The following FIP1L1 variants were observed in gnomAD, a reference collection of about 807,000 sequenced individuals.
The protein encoded by FIP1L1 is pre-mRNA 3'-end-processing factor FIP1.
FIP1L1 carries 21 observed loss-of-function variants against 84.6 expected under a neutral mutation model. The ratio of observed to expected loss-of-function variants is 0.25; its 90% CI spans 0.18 to 0.36. The LOEUF is 0.36. Among genes scored for constraint, FIP1L1 ranks in the 10% least tolerant of loss-of-function variants. FIP1L1 has a pLI of 1.00. For synonymous variants in FIP1L1, 263 were observed against 242.3 expected, an observed-to-expected ratio of 1.09 and a Z score of -0.80; for missense variants, 526 against 751.1, an observed-to-expected ratio of 0.70 and a Z score of 3.50.
At position 53,382,282 on chromosome 4, in the gene FIP1L1, A is replaced by T. The variant is rs1738519523; in HGVS notation, c.175A>T (p.Asn59Tyr). Reference protein sequence around the residue: ...ERPEEENASANPPSGIEDETA... With the variant: ...ERPEEENASAYPPSGIEDETA... ...ACTTACTTTTGTTGTTTGTAGTGCT[A>T]ATCCTCCATCTGGAATTGAAGATGA... The change falls in exon 4 of 18, where the codon AAT becomes TAT. Residue 59 changes from asparagine to tyrosine, a missense_variant. By Grantham distance (143) the Asn-to-Tyr change is moderately radical. Coordinates refer to ENST00000337488, the MANE Select transcript of FIP1L1 (RefSeq NM_030917.4). 6.2e-7 allele frequency: 1 copy of T among 1,612,588 alleles called. No individual in the cohort carries two copies. The highest frequency in any genetic ancestry group is 1.1e-5 in the South Asian group (1 of 91,046).
At position 53,428,050 on chromosome 4, in the gene FIP1L1, T is replaced by G; in HGVS notation, c.1041T>G (p.Thr347=). ...NIQVLSERSA[T]EVDNNFSKPP... ...AGGTCCTTTCTGAAAGATCTGCTAC[T>G]GAAGTAGACAACAATTTTAGCAAAC... The change falls in exon 13 of 18, where the codon ACT becomes ACG. Residue 347 remains threonine, a synonymous_variant. Transcript: ENST00000337488. 1.9e-6 allele frequency: 3 copies of G among 1,608,736 alleles called. No individual in the cohort carries two copies. Among genetic ancestry groups the G allele is most frequent in the Admixed American group, 1.7e-5 (1 of 59,954 alleles).
chr4:53,391,532 A>G lies in FIP1L1; in HGVS notation c.705+34A>G, dbSNP rs1292173642. The G allele has an allele frequency of 3.3e-6, 5 of 1,534,312 alleles. No homozygotes were observed. The East Asian group carries it at 1.1e-4, about 35-fold the overall frequency. On this transcript the variant is annotated intron_variant, in intron 9 of 17. Transcript: ENST00000337488. ...TAGTAAATTATCCTTGGTTGCTCTC[A>G]TTTTTTGTTCTTGAGTCTGCTCCCA...
At chr4:53,398,259 C>T (rs1456688273) in intron 9 of FIP1L1, among the ~76,000 whole-genome samples, 2 of 152,120 alleles carry the variant, frequency 1.3e-5, no homozygotes, top group East Asian at 3.9e-4. Flanking sequence ...GTTCCCATTG[C>T]CTTAGTGCCG....
At chr4:53,422,368 T>A (rs1292543729) in intron 11 of FIP1L1, among the ~76,000 whole-genome samples, 3 of 152,118 alleles carry the variant, frequency 2.0e-5, no homozygotes, top group Admixed American at 6.5e-5. Flanking sequence ...AAAGTGTACT[T>A]CTTACTGTGT....
At chr4:53,441,307 C>T (rs1771827968) in intron 13 of FIP1L1, among the ~76,000 whole-genome samples, 1 of 151,788 alleles carries the variant, frequency 6.6e-6, no homozygotes, top group African/African-American at 2.4e-5. Flanking sequence ...AAGGGTGGGT[C>T]TAAATTCAAA....
Position 53,377,654 on chromosome 4 carries a change from C to G in FIP1L1, c.-185C>G. 1 of 499,388 alleles carries G rather than the reference C, an allele frequency of 2.0e-6. No homozygotes were observed. The highest frequency in any genetic ancestry group is 3.4e-6 in the Non-Finnish European group (1 of 293,394). 30.9% of individuals were successfully genotyped at this position (499,388 alleles called of 1,614,324 possible). Reference sequence around the variant, plus strand: ...CTTGGGTCTCCTGCGCATGCGCAGACGGACCTGCGCTGGAGGCTTCATCTT... The same window carrying G: ...CTTGGGTCTCCTGCGCATGCGCAGAGGGACCTGCGCTGGAGGCTTCATCTT... On this transcript the variant is annotated 5_prime_UTR_variant, in exon 1 of 18. Transcript: ENST00000337488.
intron 13 of FIP1L1, among the ~76,000 whole-genome samples, chr4:53,439,702 CT>C (rs1228227268): frequency 5.3e-5 from 8 of 151,748 alleles, no homozygotes; most frequent in Admixed American, 4.6e-4. Flanking sequence ...AATTGTCTTA[CT>C]TTTTTTTATT....
intron 10 of FIP1L1, among the ~76,000 whole-genome samples, chr4:53,410,377 C>G (rs184903546): frequency 6.6e-6 from 1 of 152,174 alleles, no homozygotes; most frequent in African/African-American, 2.4e-5. Context: ...GGATCAACTT[C>G]GATGATTGCT....
At chr4:53,416,472 TC>T (rs1759551210) in intron 11 of FIP1L1, among the ~76,000 whole-genome samples, 1 of 152,222 alleles carries the variant, frequency 6.6e-6, no homozygotes, top group African/African-American at 2.4e-5. Flanking sequence ...TCGGAAAGCC[TC>T]TTCAAACCTG....
chr4:53,424,906 A>G (rs1162436393), intron 11 of FIP1L1, among the ~76,000 whole-genome samples: 1 of 151,950 alleles, frequency 6.6e-6, no homozygotes. Context: ...GTATACAGTA[A>G]TTTTTCAGTT....
chr4:53,406,067 G>C (rs980308732), intron 10 of FIP1L1, among the ~76,000 whole-genome samples: 1 of 151,978 alleles, frequency 6.6e-6, no homozygotes, highest in Non-Finnish European at 1.5e-5. Flanking sequence ...TGGTGAGAGA[G>C]GGCATCCCTG....
intron 11 of FIP1L1, among the ~76,000 whole-genome samples, chr4:53,424,392 CAT>C (rs766353111): frequency 6.6e-5 from 10 of 151,984 alleles, no homozygotes; most frequent in Non-Finnish European, 7.4e-5. Flanking sequence ...ATTTTTGTAA[CAT>C]GTGAATATTA....
chr4:53,454,625 C>G (rs987100000), intron 16 of FIP1L1, among the ~76,000 whole-genome samples: 24 of 152,088 alleles, frequency 1.6e-4, no homozygotes, highest in African/African-American at 5.3e-4. Context: ...CTTTGGTGTT[C>G]CATTGATAGA....
intron 11 of FIP1L1, among the ~76,000 whole-genome samples, 154 bp downstream of exon 11, chr4:53,414,876 T>C (rs1758766458): frequency 6.6e-6 from 1 of 152,202 alleles, no homozygotes; most frequent in African/African-American, 2.4e-5. Context: ...TTAGTTACCT[T>C]ATAAATCAAA....
intron 12 of FIP1L1, 129 bp from the exon 13 acceptor site, chr4:53,427,898 C>T (rs1764992476): frequency 1.3e-6 from 1 of 750,240 alleles, no homozygotes; most frequent in Non-Finnish European, 2.1e-6. Context: ...TTACTCTCCC[C>T]CCAAAAATAC....
intron 10 of FIP1L1, among the ~76,000 whole-genome samples, chr4:53,406,828 T>C (rs1164334837): frequency 6.6e-6 from 1 of 152,214 alleles, no homozygotes; most frequent in African/African-American, 2.4e-5. Context: ...TCATGGTAAT[T>C]TGTATTTCTG....
intron 10 of FIP1L1, among the ~76,000 whole-genome samples, chr4:53,407,728 G>C (rs1754492514): frequency 6.6e-6 from 1 of 152,160 alleles, no homozygotes; most frequent in Non-Finnish European, 1.5e-5. Flanking sequence ...TTGTTGAATT[G>C]ATCCCTTTAG....
chr4:53,382,139 C>G lies in FIP1L1; in HGVS notation c.171-139C>G, dbSNP rs930132530. The G allele has an allele frequency of 5.1e-6, 3 of 586,744 alleles. No individual in the cohort carries two copies. The African/African-American group carries it at 5.7e-5, about 11-fold the overall frequency. The allele number at this position is 586,744 out of a possible 1,614,324, so 36.3% of individuals were successfully genotyped here. A position where few individuals can be genotyped will look rare whatever the true frequency, so the allele number is the denominator to read the frequency against. The stretch of plus-strand genomic sequence containing the variant: ...AGTTACTAGAAATAACGGAATAAGA[C>G]AGTCAGATTTTACCATTACTGTCTC... On this transcript the variant is annotated intron_variant, in intron 3 of 17. Coordinates refer to ENST00000337488, the MANE Select transcript of FIP1L1 (RefSeq NM_030917.4).
rs1738530313 is a variant in FIP1L1 at position 53,382,322 on chromosome 4, G to A, written c.215G>A (p.Gly72Asp). Residue 72 changes from glycine (G) to aspartate (D), a missense_variant, in exon 4 of 18, where the codon GGT (glycine) becomes GAT (aspartate). Transcript: ENST00000337488. The part of the protein sequence containing the change: ...SGIEDETAEN[G>D]VPKPKVTETE... ...ATTGAAGATGAAACTGCTGAAAATG[G>A]TGTACCAAAACCGGTAACATAAGGC... is the stretch of plus-strand genomic sequence containing the variant. 1.9e-6 allele frequency: 3 copies of A among 1,613,388 alleles called. No homozygotes were observed. Among genetic ancestry groups the A allele is most frequent in the South Asian group, 1.1e-5 (1 of 91,042 alleles).
Sources: allele counts gnomAD v4.1 joint callset (sites outside exome capture counted in the v4.1 genomes callset), GRCh38; gene constraint gnomAD v4.1.1; transcripts MANE v1.5; gene names NCBI Gene and HGNC (gene_info 2026-07-23, HGNC 2026-07-21).